The following KLF12 variants were observed in gnomAD, a reference collection of about 807,000 sequenced individuals.
KLF12 encodes the protein KLF transcription factor 12, also known as Krueppel-like factor 12.
In KLF12, 9 loss-of-function variants were observed where a neutral mutation model predicts 37.8. The ratio of observed to expected loss-of-function variants is 0.24; its 90% confidence interval spans 0.14 to 0.42. KLF12 has a LOEUF of 0.42. KLF12 is among the 10% of genes least tolerant of loss of function. KLF12 has a pLI of 1.00. For synonymous variants in KLF12, 208 were observed against 202.1 expected (o/e 1.03, Z -0.25); for missense variants, 411 against 516.0 (o/e 0.80, Z 1.97).
rs531213747 is a variant in KLF12 at position 73,886,476 on chromosome 13, G to C, written c.124-40103C>G. Among the ~76,000 whole-genome samples the C allele has an allele frequency of 2.2e-4, 33 of 152,178 alleles. No homozygotes were observed. The South Asian group carries it at 6.9e-3, about 32-fold the overall frequency. ...CCATATCAGAAGATGGAAAAATAGGGGGGTAGGGTGAGGGAGAGCATCAGG... is the reference window on the plus strand; with the variant it reads ...CCATATCAGAAGATGGAAAAATAGGCGGGTAGGGTGAGGGAGAGCATCAGG... On this transcript the variant is annotated intron_variant, in intron 3 of 7. Coordinates refer to ENST00000377669, the MANE Select transcript of KLF12 (RefSeq NM_007249.5).
the KLF12 span, among the ~76,000 whole-genome samples, chr13:74,147,273 G>T: frequency 1.3e-5 from 2 of 152,208 alleles, no homozygotes; most frequent in Non-Finnish European, 2.9e-5. Context: ...CCCCTTCCTG[G>T]TTGGAGAAGT....
chr13:73,982,869 T>C (rs189858518), intron 2 of KLF12, among the ~76,000 whole-genome samples: 4 of 152,268 alleles, frequency 2.6e-5, no homozygotes, highest in African/African-American at 4.8e-5. Flanking sequence ...GTATTTCAGG[T>C]TTTCTGTCAC....
At chr13:74,195,852 G>A in the KLF12 span, among the ~76,000 whole-genome samples, 2 of 152,112 alleles carry the variant, frequency 1.3e-5, no homozygotes, top group African/African-American at 4.8e-5. Context: ...CCAAACTGCT[G>A]GGATTACAGG....
chr13:73,845,867 A>G lies in KLF12; in HGVS notation c.630T>C (p.Ile210=), dbSNP rs1267459522. ...TCCCATCCTCCAAAAGCGGCACGAC[A>G]ATAGTGTTGTTCACATTTCCAGGTG... The change falls in exon 4 of 8, where the codon ATT becomes ATC. Residue 210 remains isoleucine, a synonymous_variant. Transcript: ENST00000377669. 1 of 1,614,168 alleles carries G rather than the reference A, an allele frequency of 6.2e-7. No individual in the cohort carries two copies. Among genetic ancestry groups the G allele is most frequent in the African/African-American group, 1.3e-5 (1 of 75,052 alleles).
the KLF12 span, among the ~76,000 whole-genome samples, chr13:74,230,355 C>T: frequency 6.6e-6 from 1 of 152,182 alleles, no homozygotes; most frequent in East Asian, 1.9e-4. Flanking sequence ...TTACAAACTA[C>T]CCAGTCTTGG....
At chr13:74,275,178 GT>G in the KLF12 span, among the ~76,000 whole-genome samples, 1 of 152,170 alleles carries the variant, frequency 6.6e-6, no homozygotes, top group Non-Finnish European at 1.5e-5. Context: ...TTTATGTGTT[GT>G]TTGCAGACCA....
At chr13:74,275,826 CTTT>C in the KLF12 span, among the ~76,000 whole-genome samples, 1 of 108,152 alleles carries the variant, frequency 9.2e-6, no homozygotes. Flanking sequence ...TTCTTTCTTT[CTTT>C]CTTTCTTTCT....
At chr13:73,724,582 T>C (rs1876519497) in intron 6 of KLF12, among the ~76,000 whole-genome samples, 1 of 151,914 alleles carries the variant, frequency 6.6e-6, no homozygotes. Context: ...AAGAAAAATC[T>C]TCCCACCTGA....
At chr13:73,904,754 A>C (rs1027269921) in intron 3 of KLF12, among the ~76,000 whole-genome samples, 3 of 152,160 alleles carry the variant, frequency 2.0e-5, no homozygotes, top group African/African-American at 7.2e-5. Flanking sequence ...TTGGTTTAGC[A>C]GGAAAGTGAT....
chr13:73,916,209 A>ACG (rs1491555526), intron 3 of KLF12, among the ~76,000 whole-genome samples: 1 of 5,360 alleles, frequency 1.9e-4, no homozygotes, highest in African/African-American at 3.6e-4. Context: ...GCTAATACTT[A>ACG]CACACACACA....
intron 6 of KLF12, among the ~76,000 whole-genome samples, chr13:73,739,483 A>G (rs1042046537): frequency 6.6e-6 from 1 of 152,126 alleles, no homozygotes; most frequent in Non-Finnish European, 1.5e-5. Context: ...TAAAAAATGT[A>G]TGTCATATAG....
chr13:74,174,430 C>T, the KLF12 span, among the ~76,000 whole-genome samples: 1 of 149,184 alleles, frequency 6.7e-6, no homozygotes, highest in Non-Finnish European at 1.5e-5. Context: ...TTAGTAGAGA[C>T]GGGGTTTCAC....
chr13:74,098,915 G>A (rs1014133394), intron 1 of KLF12, among the ~76,000 whole-genome samples: 5 of 152,018 alleles, frequency 3.3e-5, no homozygotes, highest in African/African-American at 7.3e-5. Flanking sequence ...TGCTTCCCAC[G>A]CTAGTATGTT....
intron 3 of KLF12, among the ~76,000 whole-genome samples, chr13:73,902,205 G>C (rs1246541290): frequency 6.6e-6 from 1 of 152,160 alleles, no homozygotes; most frequent in Non-Finnish European, 1.5e-5. Flanking sequence ...AGTAAGGACA[G>C]AAAGACTGAA....
the KLF12 span, among the ~76,000 whole-genome samples, chr13:74,235,351 C>T: frequency 6.6e-6 from 1 of 152,180 alleles, no homozygotes; most frequent in Non-Finnish European, 1.5e-5. Context: ...CTAAGTTATT[C>T]TGTATAGCAA....
the KLF12 span, among the ~76,000 whole-genome samples, chr13:74,252,575 AC>A: frequency 6.6e-6 from 1 of 152,168 alleles, no homozygotes; most frequent in Non-Finnish European, 1.5e-5. Flanking sequence ...AGATAACGAA[AC>A]TAAAGCTGCC....
chr13:74,196,384 G>C, the KLF12 span, among the ~76,000 whole-genome samples: 4 of 152,176 alleles, frequency 2.6e-5, no homozygotes, highest in Non-Finnish European at 4.4e-5. Context: ...CCCTTTTCTT[G>C]CAGGTGGGGG....
chr13:73,892,353 T>C (rs1290085235), intron 3 of KLF12, among the ~76,000 whole-genome samples: 5 of 152,140 alleles, frequency 3.3e-5, no homozygotes, highest in Non-Finnish European at 7.4e-5. Context: ...AGCATTACTG[T>C]TCTCAAGAAA....
intron 4 of KLF12, among the ~76,000 whole-genome samples, chr13:73,813,518 G>A (rs7995865): frequency 0.04 from 6,148 of 152,128 alleles, 200 homozygotes; most frequent in African/African-American, 0.088. Flanking sequence ...TCAGGGTATG[G>A]TTATAGAATA....
Sources: gnomAD v4.1 joint callset for allele counts (sites outside exome capture counted in the v4.1 genomes callset) on GRCh38, gnomAD v4.1.1 for gene constraint, MANE v1.5 for transcripts, NCBI Gene and HGNC (gene_info 2026-07-23, HGNC 2026-07-21) for gene names.